Variants in STK10 observed in about 807,000 individuals in gnomAD.
STK10 encodes the protein serine/threonine kinase 10, also known as serine/threonine-protein kinase 10.
STK10 carries 78 observed loss-of-function variants against 113.8 expected under a neutral mutation model. That is an observed-to-expected ratio of 0.69 (90% CI 0.57 to 0.83). The LOEUF (loss-of-function observed/expected upper bound fraction) is 0.83, where lower values mean the gene tolerates loss of function less well. STK10 is among the 40% of genes least tolerant of loss of function. STK10 has a pLI of 0.00. For synonymous variants in STK10, 465 were observed against 494.7 expected (o/e 0.94, Z 0.80); for missense variants, 1,109 against 1,280.1 (o/e 0.87, Z 2.04).
chr5:172,056,421 A>G (rs565303222), intron 15 of STK10, among the ~76,000 whole-genome samples: 1 of 152,314 alleles, frequency 6.6e-6, no homozygotes, highest in East Asian at 1.9e-4. Flanking sequence ...AGGGGCCCTC[A>G]CCAGCTCTGG....
chr5:172,186,284 T>A (rs1453624362), intron 1 of STK10, among the ~76,000 whole-genome samples: 2 of 148,458 alleles, frequency 1.3e-5, no homozygotes, highest in African/African-American at 5.0e-5. Flanking sequence ...TCACAAAAAA[T>A]AAAAATAAAA....
At position 172,105,633 on chromosome 5, in the gene STK10, G is replaced by A. The variant is rs1047183114; in HGVS notation, c.870+23C>T. 4 of 1,612,976 alleles carry A rather than the reference G, an allele frequency of 2.5e-6. No homozygotes were observed. In the African/African-American group the frequency reaches 4.0e-5, roughly 16 times the overall value. On this transcript the variant is annotated intron_variant, in intron 7 of 18. Coordinates refer to ENST00000176763, the MANE Select transcript of STK10 (RefSeq NM_005990.4). ...ATTAGGCTCCACCCTTCAGGGAGCAGAGTGGGAGGGGAATCCACTCACCTC... is the reference window on the plus strand; with the variant it reads ...ATTAGGCTCCACCCTTCAGGGAGCAAAGTGGGAGGGGAATCCACTCACCTC...
intron 10 of STK10, among the ~76,000 whole-genome samples, chr5:172,083,896 G>A (rs1386312670): frequency 4.3e-5 from 5 of 116,810 alleles, no homozygotes; most frequent in Admixed American, 1.1e-4. Flanking sequence ...CTACAAGAGC[G>A]AAACTCCGTC....
At chr5:172,089,193 T>A (rs1053403291) in intron 10 of STK10, among the ~76,000 whole-genome samples, 12 of 152,230 alleles carry the variant, frequency 7.9e-5, no homozygotes, top group African/African-American at 2.9e-4. Flanking sequence ...TAGGCCTGGC[T>A]CAGGGGCTTC....
intron 15 of STK10, 25 bp from the exon 16 acceptor site, chr5:172,055,801 T>C (rs766369607): frequency 1.4e-6 from 2 of 1,436,806 alleles, no homozygotes; most frequent in Non-Finnish European, 1.8e-6. Flanking sequence ...CCAGAGGGGC[T>C]GAGGGCAGCT....
At chr5:172,095,659 G>A (rs778349914) in intron 8 of STK10, among the ~76,000 whole-genome samples, 54 of 152,342 alleles carry the variant, frequency 3.5e-4, no homozygotes, top group Non-Finnish European at 7.1e-4. Flanking sequence ...GAGGGTCTGC[G>A]CCAGCCTCAG....
chr5:172,127,321 C>A (rs1171029208), intron 3 of STK10, 52 bp downstream of exon 3: 2 of 1,606,456 alleles, frequency 1.2e-6, no homozygotes, highest in African/African-American at 1.3e-5. Context: ...AGGCTTAGGA[C>A]TCCAAACGAG....
intron 1 of STK10, among the ~76,000 whole-genome samples, chr5:172,173,837 C>A (rs2113836144): frequency 6.6e-6 from 1 of 152,322 alleles, no homozygotes; most frequent in South Asian, 2.1e-4. Flanking sequence ...ACATTTACAT[C>A]TTGTGTGTGA....
intron 1 of STK10, among the ~76,000 whole-genome samples, chr5:172,164,752 T>C (rs972953610): frequency 6.6e-6 from 1 of 152,060 alleles, no homozygotes; most frequent in South Asian, 2.1e-4. Flanking sequence ...GTGGTCCAAG[T>C]AGATGAGGCC....
intron 1 of STK10, among the ~76,000 whole-genome samples, chr5:172,167,817 A>G (rs1307293322): frequency 1.3e-5 from 2 of 152,254 alleles, no homozygotes; most frequent in Non-Finnish European, 2.9e-5. Context: ...ATCACTGTAG[A>G]AAGTTCACCC....
chr5:172,156,999 A>C (rs1770362260), intron 1 of STK10, among the ~76,000 whole-genome samples: 1 of 152,228 alleles, frequency 6.6e-6, no homozygotes, highest in African/African-American at 2.4e-5. Flanking sequence ...GGAATAAACA[A>C]AAATACAAGA....
chr5:172,148,448 T>C (rs1770133473), intron 2 of STK10, among the ~76,000 whole-genome samples: 1 of 152,128 alleles, frequency 6.6e-6, no homozygotes, highest in Non-Finnish European at 1.5e-5. Context: ...GGAATGACAA[T>C]CACCCTTGCT....
chr5:172,156,093 T>C (rs1285869251), intron 2 of STK10, among the ~76,000 whole-genome samples: 1 of 152,116 alleles, frequency 6.6e-6, no homozygotes, highest in Admixed American at 6.6e-5. Flanking sequence ...AATAGCGGGC[T>C]GGTAAAGAGC....
At chr5:172,087,299 GA>G (rs1040569481) in intron 10 of STK10, among the ~76,000 whole-genome samples, 8 of 151,910 alleles carry the variant, frequency 5.3e-5, no homozygotes, top group Admixed American at 5.2e-4. Context: ...TTTTGAGACA[GA>G]ATCTCACCCT....
intron 2 of STK10, among the ~76,000 whole-genome samples, chr5:172,130,515 A>C (rs1298459703): frequency 6.7e-6 from 1 of 148,602 alleles, no homozygotes; most frequent in Non-Finnish European, 1.5e-5. Flanking sequence ...TGGGTGACAG[A>C]GCAAGACTCT....
intron 18 of STK10, among the ~76,000 whole-genome samples, chr5:172,051,073 A>G (rs1212382041): frequency 2.7e-5 from 4 of 145,682 alleles, no homozygotes; most frequent in African/African-American, 1.0e-4. Context: ...AGATAGCGCC[A>G]CTCCGTCTCA....
At chr5:172,095,877 C>T (rs1181654788) in intron 8 of STK10, among the ~76,000 whole-genome samples, 1 of 152,226 alleles carries the variant, frequency 6.6e-6, no homozygotes, top group African/African-American at 2.4e-5. Context: ...CAGAATCCAG[C>T]CCACAGACAT....
chr5:172,081,837 G>C (rs1470403631), intron 12 of STK10, among the ~76,000 whole-genome samples: 1 of 152,174 alleles, frequency 6.6e-6, no homozygotes, highest in Non-Finnish European at 1.5e-5. Flanking sequence ...CCTCTCTCCA[G>C]AGCAGCTCGA....
chr5:172,067,501 A>G (rs1048024304), intron 12 of STK10, among the ~76,000 whole-genome samples: 1 of 152,218 alleles, frequency 6.6e-6, no homozygotes, highest in African/African-American at 2.4e-5. Flanking sequence ...GGCAATCAAT[A>G]GATGTCAGCT....
Sources: gnomAD v4.1 joint callset for allele counts (sites outside exome capture counted in the v4.1 genomes callset) on GRCh38, gnomAD v4.1.1 for gene constraint, MANE v1.5 for transcripts, NCBI Gene and HGNC (gene_info 2026-07-23, HGNC 2026-07-21) for gene names.